UBXN4: variants seen among roughly 807,000 people sequenced by gnomAD.
UBXN4 encodes the protein UBX domain protein 4.
A neutral mutation model predicts 66.2 loss-of-function variants in UBXN4; 35 were observed. That is an observed-to-expected ratio of 0.53 (90% CI 0.40 to 0.70). The LOEUF (loss-of-function observed/expected upper bound fraction) is 0.70, where lower values mean the gene tolerates loss of function less well. Among genes scored for constraint, UBXN4 ranks in the 30% least tolerant of loss-of-function variants. The probability of loss-of-function intolerance (pLI) is 0.00; values close to 1 mark genes in which losing one functional copy is unlikely to be tolerated. For missense variants in UBXN4, 533 were observed against 599.8 expected (o/e 0.89, Z 1.16); for synonymous variants, 203 against 204.5 (o/e 0.99, Z 0.06).
chr2:135,765,604 T>A (rs2077341874), intron 6 of UBXN4, among the ~76,000 whole-genome samples: 1 of 152,110 alleles, frequency 6.6e-6, no homozygotes, highest in Admixed American at 6.5e-5. Context: ...GTTTCAAACC[T>A]CAACGTTGAA....
In UBXN4 at chr2:135,741,857, A is replaced by C; in HGVS notation, c.-73A>C. The stretch of plus-strand genomic sequence containing the variant: ...TTGCGGGGGCCGCAGAGCCGGACGA[A>C]GACGGAGGGCGGAGCCGGCTTCGGG... On this transcript the variant is annotated 5_prime_UTR_variant, in exon 1 of 13. Transcript: ENST00000272638. The C allele has an allele frequency of 6.6e-7, 1 of 1,521,712 alleles. No individual in the cohort carries two copies. Among genetic ancestry groups the C allele is most frequent in the African/African-American group, 1.4e-5 (1 of 71,270 alleles). The allele number at this position is 1,521,712 out of a possible 1,614,324, so 94.3% of individuals were successfully genotyped here.
chr2:135,742,218 G>T (rs2077179136), intron 1 of UBXN4, among the ~76,000 whole-genome samples: 1 of 152,158 alleles, frequency 6.6e-6, no homozygotes, highest in African/African-American at 2.4e-5. Flanking sequence ...TCAGCGCCCT[G>T]CTCCTTCAGG....
intron 5 of UBXN4, among the ~76,000 whole-genome samples, chr2:135,759,766 A>ATTTTTTTTTTTT (rs10660396): frequency 2.1e-5 from 2 of 93,444 alleles, no homozygotes; most frequent in Non-Finnish European, 4.1e-5. Flanking sequence ...TCAATCCAGA[A>ATTTTTTTTTTTT]TTTTTTTTTT....
chr2:135,742,362 G>A (rs2077180352), intron 1 of UBXN4, among the ~76,000 whole-genome samples: 1 of 152,190 alleles, frequency 6.6e-6, no homozygotes, highest in African/African-American at 2.4e-5. Flanking sequence ...CAGCCGGGCC[G>A]GAGGCACCGT....
chr2:135,747,426 G>A (rs936420469), intron 1 of UBXN4, among the ~76,000 whole-genome samples: 4 of 150,182 alleles, frequency 2.7e-5, no homozygotes, highest in African/African-American at 4.9e-5. Flanking sequence ...TATCAAGGTA[G>A]CCACTATACT....
intron 5 of UBXN4, among the ~76,000 whole-genome samples, chr2:135,760,878 A>G (rs971018701): frequency 2.0e-5 from 3 of 152,170 alleles, no homozygotes; most frequent in African/African-American, 7.2e-5. Flanking sequence ...ATTTCAAGCT[A>G]CCTAGGTTAT....
chr2:135,752,003 T>C (rs16831994), intron 2 of UBXN4, among the ~76,000 whole-genome samples: 24,472 of 151,980 alleles, frequency 0.16, 2,594 homozygotes, highest in South Asian at 0.29. Flanking sequence ...TTCCATGTTT[T>C]ACAAAAATAG....
At chr2:135,758,534 T>C (rs2077292221) in intron 5 of UBXN4, among the ~76,000 whole-genome samples, 1 of 152,178 alleles carries the variant, frequency 6.6e-6, no homozygotes, top group South Asian at 2.1e-4. Flanking sequence ...TTAAAACTAT[T>C]TATTATGGAA....
chr2:135,746,086 C>T (rs1217697378), intron 1 of UBXN4, among the ~76,000 whole-genome samples: 2 of 151,800 alleles, frequency 1.3e-5, no homozygotes, highest in East Asian at 1.9e-4. Context: ...CCGTGTTGGC[C>T]GGGATGATCT....
chr2:135,752,008 A>G (rs1442329176), intron 2 of UBXN4, among the ~76,000 whole-genome samples: 1 of 151,738 alleles, frequency 6.6e-6, no homozygotes, highest in African/African-American at 2.4e-5. Context: ...TGTTTTACAA[A>G]AATAGTATTA....
At chr2:135,745,684 T>G (rs1162448229) in intron 1 of UBXN4, among the ~76,000 whole-genome samples, 1 of 152,104 alleles carries the variant, frequency 6.6e-6, no homozygotes. Context: ...TACTTATTTT[T>G]CTTTGGTAGG....
intron 2 of UBXN4, among the ~76,000 whole-genome samples, chr2:135,750,740 T>C (rs1012903447): frequency 6.6e-6 from 1 of 151,614 alleles, no homozygotes; most frequent in African/African-American, 2.4e-5. Flanking sequence ...CTTTGAGAGT[T>C]GGCAGTGGCA....
At chr2:135,747,258 G>T (rs2077213349) in intron 1 of UBXN4, among the ~76,000 whole-genome samples, 5 of 146,082 alleles carry the variant, frequency 3.4e-5, no homozygotes, top group African/African-American at 1.3e-4. Flanking sequence ...TGAGGCAGGA[G>T]AATCGCTTGA....
intron 6 of UBXN4, among the ~76,000 whole-genome samples, chr2:135,767,142 C>T (rs1359753590): frequency 6.6e-6 from 1 of 152,148 alleles, no homozygotes; most frequent in East Asian, 1.9e-4. Flanking sequence ...GGGCGGGTCA[C>T]CTGAGGTCAG....
At position 135,745,875 on chromosome 2, in the gene UBXN4, C is replaced by CTTTTTTTTTTTTTTTT. The variant is rs59946844; in HGVS notation, c.83-2386_83-2371dup. On this transcript the variant is annotated intron_variant, in intron 1 of 12. Coordinates refer to ENST00000272638, the MANE Select transcript of UBXN4 (RefSeq NM_014607.4). ...TGTGGATGCATTCTAGTCCCGTTTA[C>CTTTTTTTTTTTTTTTT]TTTTTTTTTTTTTTTTTTTTTGAGA... Among the ~76,000 whole-genome samples, 378 of 74,404 alleles carry CTTTTTTTTTTTTTTTT rather than the reference C, an allele frequency of 5.1e-3. 63 individuals carry two copies. Among genetic ancestry groups the CTTTTTTTTTTTTTTTT allele is most frequent in the Middle Eastern group, 0.018 (1 of 56 alleles). The allele number at this position is 74,404 out of a possible 152,430, so 48.8% of individuals were successfully genotyped here. A position where few individuals can be genotyped will look rare whatever the true frequency, so the allele number is the denominator to read the frequency against.
chr2:135,773,800 C>A (rs1186244007), intron 9 of UBXN4, among the ~76,000 whole-genome samples: 2 of 151,790 alleles, frequency 1.3e-5, no homozygotes, highest in Non-Finnish European at 2.9e-5. Context: ...AATAATTTTC[C>A]AAAAATAATG....
chr2:135,769,096 G>A (rs1359918716), intron 6 of UBXN4, among the ~76,000 whole-genome samples: 1 of 152,058 alleles, frequency 6.6e-6, no homozygotes, highest in Non-Finnish European at 1.5e-5. Flanking sequence ...TCGACCTCCC[G>A]GCTCAAGCAA....
rs1213105627 is a variant in UBXN4, at chr2:135,748,340, T to C, written c.156T>C (p.Ser52=). 16 of 1,603,176 alleles carry C rather than the reference T, an allele frequency of 1.0e-5. No homozygotes were observed. The highest frequency in any genetic ancestry group is 1.3e-5 in the African/African-American group (1 of 74,650). ...AAGTTACAGAAGCATCTTCAAACAG[T>C]TTTGTTGCTATTAAAATCGATACCA... ...DDKVTEASSN[S]FVAIKIDTKS... is the part of the protein sequence containing the mutation. Residue 52 remains serine, a synonymous_variant, in exon 2 of 13, where the codon AGT becomes AGC. Transcript: ENST00000272638.
intron 2 of UBXN4, among the ~76,000 whole-genome samples, chr2:135,750,126 AC>A (rs2077232884): frequency 6.6e-6 from 1 of 152,170 alleles, no homozygotes; most frequent in Non-Finnish European, 1.5e-5. Flanking sequence ...AGTGATCATT[AC>A]CTAAAAACAT....
Sources: gnomAD v4.1 joint callset for allele counts (sites outside exome capture counted in the v4.1 genomes callset) on GRCh38, gnomAD v4.1.1 for gene constraint, MANE v1.5 for transcripts, NCBI Gene and HGNC (gene_info 2026-07-23, HGNC 2026-07-21) for gene names.